Variants in PRKAG2 observed in about 807,000 individuals in gnomAD.
PRKAG2 encodes 5'-AMP-activated protein kinase subunit gamma-2.
Under a neutral mutation model 69.6 loss-of-function variants are expected in PRKAG2, and 26 were observed. That is an observed-to-expected ratio of 0.37 (90% CI 0.27 to 0.52). The LOEUF is 0.52. Among genes scored for constraint, PRKAG2 ranks in the 20% least tolerant of loss-of-function variants. PRKAG2 has a pLI of 0.90. For synonymous variants in PRKAG2, 293 were observed against 285.0 expected (o/e 1.03, Z -0.28); for missense variants, 557 against 740.0 (o/e 0.75, Z 2.87).
At chr7:151,644,256 A>C (rs1827204986) in intron 4 of PRKAG2, among the ~76,000 whole-genome samples, 1 of 152,190 alleles carries the variant, frequency 6.6e-6, no homozygotes, top group East Asian at 1.9e-4. Context: ...AAAATTTAAA[A>C]AGTAAATAAA....
chr7:151,875,190 G>A (rs1377790825), intron 1 of PRKAG2, among the ~76,000 whole-genome samples: 1 of 152,220 alleles, frequency 6.6e-6, no homozygotes, highest in Non-Finnish European at 1.5e-5. Context: ...GCAGCCAGGG[G>A]TCCAAGTTTC....
chr7:151,695,978 C>G (rs995919563), intron 3 of PRKAG2, among the ~76,000 whole-genome samples: 3 of 152,184 alleles, frequency 2.0e-5, no homozygotes, highest in African/African-American at 7.2e-5. Context: ...TGTGTTTACA[C>G]GACACCAGCT....
At chr7:151,645,485 G>A (rs924842483) in intron 4 of PRKAG2, among the ~76,000 whole-genome samples, 4 of 152,146 alleles carry the variant, frequency 2.6e-5, no homozygotes, top group African/African-American at 9.7e-5. Context: ...AGCTGTACCT[G>A]AACTTCTGAC....
chr7:151,856,898 A>G (rs943051199), intron 1 of PRKAG2, among the ~76,000 whole-genome samples: 3 of 152,150 alleles, frequency 2.0e-5, no homozygotes, highest in African/African-American at 4.8e-5. Flanking sequence ...GAAGACAACA[A>G]GAAGGGCGGA....
chr7:151,735,752 C>T (rs748668487), intron 3 of PRKAG2: 292 of 1,100,926 alleles, frequency 2.7e-4, no homozygotes, highest in Non-Finnish European at 3.5e-4. Context: ...ACACTTCCCA[C>T]GTATTCCTCT....
At chr7:151,590,886 G>A (rs1024611200) in intron 6 of PRKAG2, among the ~76,000 whole-genome samples, 2 of 152,212 alleles carry the variant, frequency 1.3e-5, no homozygotes, top group East Asian at 1.9e-4. Flanking sequence ...TTTTGTGCAC[G>A]CAGCCGGCAG....
At chr7:151,742,393 T>C (rs1290268444) in intron 3 of PRKAG2, among the ~76,000 whole-genome samples, 4 of 152,134 alleles carry the variant, frequency 2.6e-5, no homozygotes, top group African/African-American at 4.8e-5. Flanking sequence ...TTTGGGAGGC[T>C]GAGGCGGGTG....
chr7:151,845,286 T>C (rs2079404334), intron 1 of PRKAG2, among the ~76,000 whole-genome samples: 1 of 152,136 alleles, frequency 6.6e-6, no homozygotes, highest in Non-Finnish European at 1.5e-5. Context: ...AAATGAATCT[T>C]GGGCTAATGA....
intron 3 of PRKAG2, among the ~76,000 whole-genome samples, chr7:151,751,679 TTG>T (rs991797293): frequency 6.7e-6 from 1 of 149,390 alleles, no homozygotes; most frequent in African/African-American, 2.5e-5. Context: ...CTATTTTTGT[TTG>T]TTTGTTTGTT....
At chr7:151,599,896 T>G (rs1815627971) in intron 5 of PRKAG2, among the ~76,000 whole-genome samples, 1 of 152,202 alleles carries the variant, frequency 6.6e-6, no homozygotes. Context: ...TAAACACTCC[T>G]GCTCCGTATT....
intron 5 of PRKAG2, among the ~76,000 whole-genome samples, chr7:151,600,466 T>C (rs1346293863): frequency 2.0e-5 from 3 of 152,262 alleles, no homozygotes; most frequent in Admixed American, 6.5e-5. Flanking sequence ...ACAAATGATG[T>C]GGACCACTCT....
At chr7:151,823,074 C>A (rs905201644) in intron 1 of PRKAG2, among the ~76,000 whole-genome samples, 3 of 121,966 alleles carry the variant, frequency 2.5e-5, no homozygotes, top group Non-Finnish European at 3.2e-5. Context: ...AACTGCAGAA[C>A]CTGCTCCCTG....
intron 1 of PRKAG2, among the ~76,000 whole-genome samples, chr7:151,830,100 C>T (rs73160032): frequency 0.25 from 37,531 of 148,924 alleles, 5,300 homozygotes; most frequent in Middle Eastern, 0.29. Context: ...GTTCCAATGT[C>T]GAGGACTGTT....
intron 3 of PRKAG2, among the ~76,000 whole-genome samples, chr7:151,694,293 T>G (rs947586118): frequency 6.6e-6 from 1 of 152,246 alleles, no homozygotes; most frequent in Non-Finnish European, 1.5e-5. Context: ...TAAACATTTA[T>G]TTTTGATTTT....
At chr7:151,793,918 G>A (rs938981706) in intron 1 of PRKAG2, among the ~76,000 whole-genome samples, 18 of 152,222 alleles carry the variant, frequency 1.2e-4, no homozygotes, top group African/African-American at 3.9e-4. Context: ...GGCCAAATCC[G>A]GGAAGGCCTA....
rs553249263 is a variant in PRKAG2 at position 151,788,944 on chromosome 7, C to T, written c.115-2403G>A. Among the ~76,000 whole-genome samples, 8 of 152,294 alleles carry T rather than the reference C, an allele frequency of 5.3e-5. No homozygotes were observed. Among genetic ancestry groups the T allele is most frequent in the African/African-American group, 1.4e-4 (6 of 41,562 alleles). On this transcript the variant is annotated intron_variant, in intron 1 of 15. Transcript: ENST00000287878. The surrounding 1 kb of genome is among the most constrained non-coding windows in gnomAD (Gnocchi z 4.6). ...GAATAGTCTTGGCATGACTGTGGAA[C>T]GTCATTTGACTTTATCTCTGAGAGT...
chr7:151,589,223 CTGAATACAGT>C (rs1165000222), intron 6 of PRKAG2, among the ~76,000 whole-genome samples: 1 of 152,220 alleles, frequency 6.6e-6, no homozygotes, highest in Non-Finnish European at 1.5e-5. Flanking sequence ...GTAGCAGCGG[CTGAATACAGT>C]TTGTTGTTTT....
intron 5 of PRKAG2, among the ~76,000 whole-genome samples, chr7:151,595,942 G>A (rs936059780): frequency 1.3e-5 from 2 of 152,144 alleles, no homozygotes; most frequent in Non-Finnish European, 2.9e-5. Flanking sequence ...GGCTGAGGTG[G>A]AAGGGTCACT....
At chr7:151,797,726 A>T (rs897180016) in intron 1 of PRKAG2, among the ~76,000 whole-genome samples, 2 of 152,226 alleles carry the variant, frequency 1.3e-5, no homozygotes, top group Admixed American at 6.5e-5. Context: ...AATACCATGG[A>T]CTTAAAAAGC....
Sources: allele counts gnomAD v4.1 joint callset (sites outside exome capture counted in the v4.1 genomes callset), GRCh38; gene constraint gnomAD v4.1.1; non-coding constraint Gnocchi (gnomAD v3.1); transcripts MANE v1.5; gene names NCBI Gene and HGNC (gene_info 2026-07-23, HGNC 2026-07-21).